XXYLT1: variants seen among roughly 807,000 people sequenced by gnomAD.
XXYLT1 encodes the protein xyloside xylosyltransferase 1, also known as UDP-xylose:alpha-xyloside alpha-1,3-xylosyltransferase.
In XXYLT1, 20 loss-of-function variants were observed where a neutral mutation model predicts 28.9. That is an observed-to-expected ratio of 0.69 (90% CI 0.49 to 1.00). XXYLT1 has a LOEUF of 1.00. Ranked by LOEUF, XXYLT1 falls within the 50% of genes least tolerant of loss-of-function variation. The pLI is 0.00. For synonymous variants in XXYLT1, 257 were observed against 253.8 expected, an observed-to-expected ratio of 1.01 and a Z score of -0.12; for missense variants, 542 against 560.1, an observed-to-expected ratio of 0.97 and a Z score of 0.33.
chr3:195,265,055 C>T (rs999618328), intron 1 of XXYLT1, among the ~76,000 whole-genome samples: 20 of 150,514 alleles, frequency 1.3e-4, no homozygotes, highest in Non-Finnish European at 2.4e-4. Flanking sequence ...GACAGAAACC[C>T]TATCTCAAAA....
chr3:195,116,400 G>A (rs745953110), intron 3 of XXYLT1, among the ~76,000 whole-genome samples: 1 of 152,200 alleles, frequency 6.6e-6, no homozygotes, highest in Non-Finnish European at 1.5e-5. Context: ...TAGGTCTGGG[G>A]TGGGGTCTGA....
intron 1 of XXYLT1, among the ~76,000 whole-genome samples, chr3:195,246,423 C>T (rs556781773): frequency 1.3e-5 from 2 of 152,212 alleles, no homozygotes; most frequent in Non-Finnish European, 2.9e-5. Context: ...CGTGTAAGCA[C>T]AGCAATACAC....
chr3:195,156,009 C>T (rs1253753972), intron 3 of XXYLT1, among the ~76,000 whole-genome samples: 2 of 152,178 alleles, frequency 1.3e-5, no homozygotes, highest in Non-Finnish European at 2.9e-5. Flanking sequence ...CTACTGATGC[C>T]AGTCTGTGTT....
At chr3:195,075,502 G>C (rs1191131683) in intron 3 of XXYLT1, among the ~76,000 whole-genome samples, 1 of 152,324 alleles carries the variant, frequency 6.6e-6, no homozygotes, top group Non-Finnish European at 1.5e-5. Context: ...CCAGAAAAGG[G>C]AACTGCTGCC....
intron 3 of XXYLT1, among the ~76,000 whole-genome samples, chr3:195,110,435 G>GTA (rs1717555576): frequency 8.0e-6 from 1 of 125,376 alleles, no homozygotes; most frequent in South Asian, 2.8e-4. Context: ...ATGTGTGCGT[G>GTA]TGTATGTGGT....
intron 1 of XXYLT1, among the ~76,000 whole-genome samples, chr3:195,264,079 C>T (rs896689715): frequency 1.3e-5 from 2 of 152,148 alleles, no homozygotes; most frequent in Non-Finnish European, 2.9e-5. Flanking sequence ...GTATGCAGAA[C>T]CTGCCCATCC....
chr3:195,229,185 A>T (rs74318061), intron 1 of XXYLT1, among the ~76,000 whole-genome samples: 1,691 of 151,890 alleles, frequency 0.011, 21 homozygotes, highest in African/African-American at 0.033. Flanking sequence ...CTTTCCTTTT[A>T]TTCTTGGGTC....
intron 3 of XXYLT1, among the ~76,000 whole-genome samples, chr3:195,106,757 T>G (rs534940977): frequency 9.2e-5 from 14 of 152,326 alleles, no homozygotes; most frequent in African/African-American, 3.4e-4. Context: ...ACCACTGTCT[T>G]CAGCTGCCAC....
rs1725447670 is a variant in XXYLT1 at position 195,255,562 on chromosome 3, G to A, written c.504+14993C>T. On this transcript the variant is annotated intron_variant, in intron 1 of 3. Transcript: ENST00000310380. This position sits in a 1 kb window ranked among gnomAD's most constrained non-coding sequence, Gnocchi z 4.5. ...GACGACTGCAGGGAGTCACAAGTGG[G>A]TGAGATCCAAAAGCTGTGTCAGGCT... 6.6e-6 allele frequency among the ~76,000 whole-genome samples: 1 copy of A among 152,142 alleles called. No homozygotes were observed. Among genetic ancestry groups the A allele is most frequent in the South Asian group, 2.1e-4 (1 of 4,828 alleles).
In XXYLT1 at chr3:195,175,324, C is replaced by T. The variant is rs1215313426; in HGVS notation, c.653-18743G>A. ...AGCGTGCACTGGCTGAGCACCAGCC[C>T]GGCGGACAGAAGCAGAGGGCAGAAG... On this transcript the variant is annotated intron_variant, in intron 2 of 3. Transcript: ENST00000310380. Among the ~76,000 whole-genome samples the T allele has an allele frequency of 5.3e-5, 8 of 152,334 alleles. No individual in the cohort carries two copies. In the South Asian group the frequency reaches 8.3e-4, roughly 16 times the overall value.
At chr3:195,187,569 G>C (rs1420919116) in intron 2 of XXYLT1, among the ~76,000 whole-genome samples, 4 of 152,206 alleles carry the variant, frequency 2.6e-5, no homozygotes, top group Admixed American at 6.5e-5. Context: ...GTGTTTACTG[G>C]AGCGACTGAA....
chr3:195,229,788 C>A (rs1298806585), intron 1 of XXYLT1, among the ~76,000 whole-genome samples: 1 of 152,236 alleles, frequency 6.6e-6, no homozygotes, highest in Non-Finnish European at 1.5e-5. Flanking sequence ...CATTCATCAG[C>A]TGATGGAACC....
chr3:195,249,529 C>T (rs1468855747), intron 1 of XXYLT1, among the ~76,000 whole-genome samples: 1 of 152,206 alleles, frequency 6.6e-6, no homozygotes, highest in African/African-American at 2.4e-5. Flanking sequence ...CTCATCCTCA[C>T]CATAACCATG....
At chr3:195,161,343 G>A (rs1454634773) in intron 2 of XXYLT1, among the ~76,000 whole-genome samples, 1 of 152,096 alleles carries the variant, frequency 6.6e-6, no homozygotes, top group Non-Finnish European at 1.5e-5. Context: ...AAAAGCCTTC[G>A]GACATCTCTG....
At chr3:195,155,615 G>A (rs76256537) in intron 3 of XXYLT1, among the ~76,000 whole-genome samples, 4,972 of 151,466 alleles carry the variant, frequency 0.033, 164 homozygotes, top group East Asian at 0.15. Flanking sequence ...GCTAAGTGGG[G>A]AACTGAGACC....
chr3:195,157,745 CAA>C (rs1720677483), intron 2 of XXYLT1, among the ~76,000 whole-genome samples: 1 of 152,140 alleles, frequency 6.6e-6, no homozygotes, highest in African/African-American at 2.4e-5. Flanking sequence ...GTGGGAGGTC[CAA>C]AGAGGGGGCG....
At chr3:195,177,884 G>C (rs73063131) in intron 2 of XXYLT1, among the ~76,000 whole-genome samples, 2,794 of 149,560 alleles carry the variant, frequency 0.019, 87 homozygotes, top group African/African-American at 0.064. Context: ...ACAGTGAGCT[G>C]TGTTCATGCC....
rs1718020632 is a variant in XXYLT1 at position 195,115,916 on chromosome 3, C to T, written c.785+40533G>A. Among the ~76,000 whole-genome samples, 1 of 152,146 alleles carries T rather than the reference C, an allele frequency of 6.6e-6. No homozygotes were observed. On this transcript the variant is annotated intron_variant, in intron 3 of 3. Coordinates refer to ENST00000310380, the MANE Select transcript of XXYLT1 (RefSeq NM_152531.5). This position sits in a 1 kb window ranked among gnomAD's most constrained non-coding sequence, Gnocchi z 4.2. ...AAAGACCGAGGACAGGTGACAGGGACAGTGATAAGGAGCTGGGCCGCTCAG... is the reference window on the plus strand; with the variant it reads ...AAAGACCGAGGACAGGTGACAGGGATAGTGATAAGGAGCTGGGCCGCTCAG...
intron 3 of XXYLT1, among the ~76,000 whole-genome samples, chr3:195,143,201 T>C (rs1386852550): frequency 6.6e-6 from 1 of 152,170 alleles, no homozygotes; most frequent in Non-Finnish European, 1.5e-5. Context: ...AAAAACAAAG[T>C]TGGAGTGCCC....
Sources: gnomAD v4.1 joint callset for allele counts (sites outside exome capture counted in the v4.1 genomes callset) on GRCh38, gnomAD v4.1.1 for gene constraint, Gnocchi (gnomAD v3.1) non-coding constraint, MANE v1.5 for transcripts, NCBI Gene and HGNC (gene_info 2026-07-23, HGNC 2026-07-21) for gene names.